Variants in ZIM2 observed in about 807,000 individuals in gnomAD.
The protein encoded by ZIM2 is zinc finger imprinted 2, also known as zinc finger protein 656.
In ZIM2, 14 loss-of-function variants were observed where a neutral mutation model predicts 38.6. The observed-to-expected ratio is 0.36, with a 90% confidence interval of 0.24 to 0.57. ZIM2 has a LOEUF of 0.57. ZIM2 is among the 20% of genes least tolerant of loss of function. The pLI is 0.81. For synonymous variants in ZIM2, 247 were observed against 245.8 expected (o/e 1.00, Z -0.04); for missense variants, 680 against 695.1 (o/e 0.98, Z 0.24).
intron 2 of ZIM2, among the ~76,000 whole-genome samples, chr19:56,828,694 TA>T (rs2146465076): frequency 6.6e-6 from 1 of 152,306 alleles, no homozygotes; most frequent in Non-Finnish European, 1.5e-5. Flanking sequence ...GTTTGAAATG[TA>T]AAAGGCTTTT....
intron 9 of ZIM2, among the ~76,000 whole-genome samples, chr19:56,808,465 A>G (rs1478839977): frequency 6.6e-6 from 1 of 152,140 alleles, no homozygotes; most frequent in African/African-American, 2.4e-5. Context: ...TAAGTCCAGA[A>G]TGAATCTCTA....
chr19:56,806,093 T>C (rs573135620), intron 9 of ZIM2, among the ~76,000 whole-genome samples: 4 of 152,248 alleles, frequency 2.6e-5, no homozygotes, highest in African/African-American at 9.6e-5. Context: ...TATAATAGAG[T>C]GTGCAAATGA....
At chr19:56,820,656 C>T (rs1300261355) in intron 7 of ZIM2, among the ~76,000 whole-genome samples, 1 of 152,206 alleles carries the variant, frequency 6.6e-6, no homozygotes, top group Non-Finnish European at 1.5e-5. Context: ...CAAGACATTT[C>T]CCTTCAATCC....
intron 9 of ZIM2, among the ~76,000 whole-genome samples, chr19:56,795,116 G>A (rs969712432): frequency 4.0e-5 from 6 of 151,736 alleles, no homozygotes; most frequent in South Asian, 2.1e-4. Context: ...GTGCAGTGGC[G>A]CAATCTTGGC....
intron 6 of ZIM2, 180 bp downstream of exon 6, chr19:56,822,573 C>T (rs2060604034): frequency 5.6e-6 from 4 of 710,074 alleles, no homozygotes; most frequent in Non-Finnish European, 9.2e-6. Context: ...GTGGTGAAAC[C>T]TGTGCTGGTG....
intron 9 of ZIM2, among the ~76,000 whole-genome samples, chr19:56,795,862 A>C (rs1255187356): frequency 6.6e-6 from 1 of 152,112 alleles, no homozygotes; most frequent in African/African-American, 2.4e-5. Context: ...AACAAAACAA[A>C]ACAACAAAAA....
chr19:56,816,855 T>G, intron 9 of ZIM2: 1 of 1,614,110 alleles, frequency 6.2e-7, no homozygotes, highest in South Asian at 1.1e-5. Flanking sequence ...CAAGATAACC[T>G]CTAGCATGAA....
chr19:56,776,098 C>T (rs1163293287), intron 12 of ZIM2, among the ~76,000 whole-genome samples: 5 of 63,310 alleles, frequency 7.9e-5, no homozygotes, highest in Non-Finnish European at 1.5e-4. Flanking sequence ...GAGACTCTGT[C>T]TCAAAAAAAA....
chr19:56,792,578 G>C (rs2046995415), intron 9 of ZIM2, among the ~76,000 whole-genome samples: 1 of 138,386 alleles, frequency 7.2e-6, no homozygotes, highest in African/African-American at 2.6e-5. Context: ...AATACTACAT[G>C]TTTCCGCCTT....
chr19:56,829,885 C>T (rs532218262), intron 2 of ZIM2, among the ~76,000 whole-genome samples: 12 of 152,348 alleles, frequency 7.9e-5, no homozygotes, highest in African/African-American at 2.6e-4. Context: ...CCCACTTCCC[C>T]AGGCCAGCTT....
At chr19:56,810,044 G>T in intron 9 of ZIM2, 1 of 514,158 alleles carries the variant, frequency 1.9e-6, no homozygotes, top group Non-Finnish European at 2.5e-6. Flanking sequence ...CATATTTAAA[G>T]CCCCAAAAAC....
intron 12 of ZIM2, among the ~76,000 whole-genome samples, chr19:56,776,600 G>C (rs943068274): frequency 1.3e-5 from 2 of 150,488 alleles, no homozygotes; most frequent in African/African-American, 4.9e-5. Flanking sequence ...TCTTAGCTCT[G>C]AATCTCTTGT....
chr19:56,778,833 T>C (rs1568563270), intron 12 of ZIM2, among the ~76,000 whole-genome samples: 1 of 152,104 alleles, frequency 6.6e-6, no homozygotes, highest in Non-Finnish European at 1.5e-5. Flanking sequence ...ACTGTAGCCA[T>C]AGAGTTTGGA....
At chr19:56,836,125 T>G in intron 1 of ZIM2, 21 bp from the exon 2 acceptor site, 1 of 458,294 alleles carries the variant, frequency 2.2e-6, no homozygotes, top group African/African-American at 2.0e-5. Flanking sequence ...AAAGAAAATG[T>G]GAGACGCCAA....
Position 56,829,089 on chromosome 19 carries a change from G to A in ZIM2, c.-226-2626C>T, listed in dbSNP as rs191950545. Among the ~76,000 whole-genome samples the A allele has an allele frequency of 2.4e-3, 363 of 152,160 alleles. 3 individuals are homozygous for A. Among genetic ancestry groups the A allele is most frequent in the African/African-American group, 7.6e-3 (317 of 41,518 alleles). On this transcript the variant is annotated intron_variant, in intron 2 of 12. Transcript: ENST00000629319. ...GCTGCAGCTGGGCGCAGTGGCTCAC[G>A]CCTGTAATCCCAGCACTTTGGGAGG...
At chr19:56,810,511 G>T (rs1455721507) in intron 9 of ZIM2, 1 of 984,466 alleles carries the variant, frequency 1.0e-6, no homozygotes, top group Non-Finnish European at 1.2e-6. Flanking sequence ...TTGTTGTTGG[G>T]TGTTGGGAAT....
chr19:56,822,026 A>C (rs955750726), intron 6 of ZIM2, among the ~76,000 whole-genome samples: 6 of 152,104 alleles, frequency 3.9e-5, no homozygotes, highest in African/African-American at 9.7e-5. Flanking sequence ...GTGTGGGTCC[A>C]GGTACAGTGT....
At chr19:56,804,937 C>A (rs1010904143) in intron 9 of ZIM2, among the ~76,000 whole-genome samples, 11 of 152,156 alleles carry the variant, frequency 7.2e-5, no homozygotes, top group African/African-American at 2.7e-4. Context: ...TATTTGTGAC[C>A]AGGCAGTTAG....
At chr19:56,791,833 G>A (rs983263459) in intron 9 of ZIM2, among the ~76,000 whole-genome samples, 1 of 152,048 alleles carries the variant, frequency 6.6e-6, no homozygotes, top group East Asian at 1.9e-4. Context: ...CTAATAACTT[G>A]AGTTTCTAAG....
Sources: gnomAD v4.1 joint callset for allele counts (sites outside exome capture counted in the v4.1 genomes callset) on GRCh38, gnomAD v4.1.1 for gene constraint, MANE v1.5 for transcripts, NCBI Gene and HGNC (gene_info 2026-07-23, HGNC 2026-07-21) for gene names.